The following DAPK1 variants were observed in gnomAD, a reference collection of about 807,000 sequenced individuals.
The protein encoded by DAPK1 is death associated protein kinase 1.
DAPK1 carries 56 observed loss-of-function variants against 144.9 expected under a neutral mutation model. The ratio of observed to expected loss-of-function variants is 0.39; its 90% CI spans 0.31 to 0.48. The LOEUF is 0.48. Among genes scored for constraint, DAPK1 ranks in the 20% least tolerant of loss-of-function variants. The probability of loss-of-function intolerance (pLI) is 0.95; values close to 1 mark genes in which losing one functional copy is unlikely to be tolerated. For synonymous variants in DAPK1, 690 were observed against 749.0 expected, an observed-to-expected ratio of 0.92 and a Z score of 1.29; for missense variants, 1,454 against 1,875.4, an observed-to-expected ratio of 0.78 and a Z score of 4.15.
intron 18 of DAPK1, among the ~76,000 whole-genome samples, chr9:87,666,720 C>T (rs778191862): frequency 2.0e-5 from 3 of 152,056 alleles, no homozygotes; most frequent in Non-Finnish European, 4.4e-5. Context: ...ATGATCCACC[C>T]ACCTCAGCCT....
chr9:87,571,476 A>ACACACACCCCAACAC (rs771023885), intron 2 of DAPK1, among the ~76,000 whole-genome samples: 1 of 48,548 alleles, frequency 2.1e-5, no homozygotes, highest in Non-Finnish European at 3.7e-5. Context: ...CACACACACC[A>ACACACACCCCAACAC]ACACACACAC....
In DAPK1 at chr9:87,660,559, G is replaced by A. The variant is rs768607509; in HGVS notation, c.1923+2432G>A. 1.3e-4 allele frequency among the ~76,000 whole-genome samples: 20 copies of A among 151,948 alleles called. 1 individual carries two copies. The highest frequency in any genetic ancestry group is 4.8e-4 in the African/African-American group (20 of 41,356). On this transcript the variant is annotated intron_variant, in intron 18 of 25. Coordinates refer to ENST00000408954, the MANE Select transcript of DAPK1 (RefSeq NM_004938.4). ...GTATATTACACTGGGGTGAAGTCAG[G>A]GTCTTCAGTGTGTCCATCACTGGAG...
At chr9:87,554,850 C>T (rs1405049461) in intron 2 of DAPK1, among the ~76,000 whole-genome samples, 1 of 152,204 alleles carries the variant, frequency 6.6e-6, no homozygotes, top group Non-Finnish European at 1.5e-5. Context: ...GGCTTCTGCC[C>T]TTGGCTTCAG....
At chr9:87,561,284 T>A (rs967519857) in intron 2 of DAPK1, among the ~76,000 whole-genome samples, 6 of 152,024 alleles carry the variant, frequency 3.9e-5, no homozygotes, top group African/African-American at 1.4e-4. Flanking sequence ...CCCAGCACTT[T>A]GGGAGGCCAA....
At chr9:87,570,005 G>A (rs1827271961) in intron 2 of DAPK1, among the ~76,000 whole-genome samples, 1 of 152,156 alleles carries the variant, frequency 6.6e-6, no homozygotes, top group South Asian at 2.1e-4. Context: ...GTCTTAATGA[G>A]CTAGAAATGC....
chr9:87,600,185 G>A (rs60804210), intron 2 of DAPK1, among the ~76,000 whole-genome samples: 8,042 of 152,290 alleles, frequency 0.053, 368 homozygotes, highest in East Asian at 0.24. Context: ...AGCTAGGAAC[G>A]TGTGCAGCAG....
At chr9:87,663,730 G>A (rs1830947758) in intron 18 of DAPK1, among the ~76,000 whole-genome samples, 2 of 152,006 alleles carry the variant, frequency 1.3e-5, no homozygotes, top group Non-Finnish European at 2.9e-5. Context: ...TTGCCCCTGA[G>A]TGCCAGCCTC....
chr9:87,656,523 G>T (rs748024997), intron 17 of DAPK1, among the ~76,000 whole-genome samples: 1 of 152,074 alleles, frequency 6.6e-6, no homozygotes, highest in Non-Finnish European at 1.5e-5. Flanking sequence ...TCCTTCTCAC[G>T]TGAACTCTAG....
chr9:87,552,692 G>T (rs751096557), intron 2 of DAPK1, among the ~76,000 whole-genome samples: 30 of 151,850 alleles, frequency 2.0e-4, no homozygotes, highest in Non-Finnish European at 3.5e-4. Flanking sequence ...TCTGGGCTTA[G>T]GTGATCCTCC....
chr9:87,585,667 TG>T (rs1478323936), intron 2 of DAPK1, among the ~76,000 whole-genome samples: 7 of 152,246 alleles, frequency 4.6e-5, no homozygotes, highest in Admixed American at 2.0e-4. Context: ...CTATCTCTTC[TG>T]GTTCCCTTCT....
intron 18 of DAPK1, among the ~76,000 whole-genome samples, chr9:87,662,560 G>GTTTTTT (rs71507734): frequency 0.19 from 5,966 of 31,538 alleles, 1,720 homozygotes; most frequent in Non-Finnish European, 0.23. Flanking sequence ...TATATTCCTA[G>GTTTTTT]TTTTTTTTTT....
intron 3 of DAPK1, among the ~76,000 whole-genome samples, chr9:87,607,001 A>G (rs927701533): frequency 5.3e-5 from 8 of 151,484 alleles, no homozygotes; most frequent in African/African-American, 1.9e-4. Flanking sequence ...CTAAAAATAT[A>G]TCCAGACATT....
chr9:87,576,773 G>A (rs1040383062), intron 2 of DAPK1, among the ~76,000 whole-genome samples: 8 of 152,096 alleles, frequency 5.3e-5, no homozygotes, highest in African/African-American at 1.9e-4. Context: ...GGCCAGGCTG[G>A]TACCAAATTC....
intron 13 of DAPK1, among the ~76,000 whole-genome samples, chr9:87,646,768 C>G (rs1354550059): frequency 6.6e-6 from 1 of 152,208 alleles, no homozygotes; most frequent in Non-Finnish European, 1.5e-5. Flanking sequence ...CTTGGCGCTG[C>G]TGCTTGACAT....
chr9:87,685,868 A>G (rs551702395), intron 20 of DAPK1, among the ~76,000 whole-genome samples: 2 of 152,324 alleles, frequency 1.3e-5, no homozygotes, highest in Admixed American at 1.3e-4. Context: ...AACAGCAACC[A>G]ATGTGAATAA....
intron 2 of DAPK1, chr9:87,525,620 A>G (rs1825478368): frequency 6.2e-6 from 4 of 644,346 alleles, no homozygotes; most frequent in Non-Finnish European, 1.1e-5. Flanking sequence ...TCCAAAAAGA[A>G]CCTGAGGCGG....
At chr9:87,635,863 C>T (rs1375134993) in intron 3 of DAPK1, among the ~76,000 whole-genome samples, 5 of 152,146 alleles carry the variant, frequency 3.3e-5, no homozygotes, top group East Asian at 1.9e-4. Flanking sequence ...CACGTGGCCA[C>T]GGTGCCTGAG....
At chr9:87,543,461 T>G (rs942147570) in intron 2 of DAPK1, among the ~76,000 whole-genome samples, 2 of 152,188 alleles carry the variant, frequency 1.3e-5, no homozygotes, top group African/African-American at 4.8e-5. Flanking sequence ...TTAATAAATG[T>G]TCTCTGAAGA....
At chr9:87,679,645 A>AT (rs1249358007) in intron 19 of DAPK1, among the ~76,000 whole-genome samples, 1 of 152,066 alleles carries the variant, frequency 6.6e-6, no homozygotes, top group Non-Finnish European at 1.5e-5. Context: ...CTGAATCTAG[A>AT]TTTTCCTGTT....
Sources: allele counts gnomAD v4.1 joint callset (sites outside exome capture counted in the v4.1 genomes callset), GRCh38; gene constraint gnomAD v4.1.1; transcripts MANE v1.5; gene names NCBI Gene and HGNC (gene_info 2026-07-23, HGNC 2026-07-21).